ANO7: variants seen among roughly 807,000 people sequenced by gnomAD.
The protein encoded by ANO7 is anoctamin-7.
ANO7 carries 114 observed loss-of-function variants against 115.8 expected under a neutral mutation model. That is an observed-to-expected ratio of 0.98 (90% CI 0.85 to 1.15). The LOEUF is 1.15. Ranked by LOEUF, ANO7 falls within the 50% of genes most tolerant of loss-of-function variation. The pLI is 0.00. For synonymous variants in ANO7, 550 were observed against 498.2 expected (o/e 1.10, Z -1.38); for missense variants, 1,302 against 1,201.2 (o/e 1.08, Z -1.24).
chr2:241,235,082 C>A, the ANO7 span: 2 of 1,604,996 alleles, frequency 1.2e-6, no homozygotes, highest in Non-Finnish European at 1.7e-6. Flanking sequence ...AAGCTGAGCA[C>A]CATGGCTCTG....
In ANO7 at chr2:241,216,187, G is replaced by A. The variant is rs752516742; in HGVS notation, c.1921G>A (p.Asp641Asn). The change falls in exon 19 of 25, where the codon GAC becomes AAC. Residue 641 changes from aspartate to asparagine, a missense_variant. Physicochemically the swap from Asp to Asn is conservative, Grantham distance 23. Transcript: ENST00000674324. ...AGASQGPWEDDYELVPCEGLF... is the reference protein window; with the variant it reads ...AGASQGPWEDNYELVPCEGLF... ...GGCTAGCCAGGGGCCCTGGGAGGACGACTATGAGCTTGTGCCCTGTGAGGG... is the reference window on the plus strand; with the variant it reads ...GGCTAGCCAGGGGCCCTGGGAGGACAACTATGAGCTTGTGCCCTGTGAGGG... The A allele has an allele frequency of 1.9e-6, 3 of 1,612,964 alleles. No homozygotes were observed. Among genetic ancestry groups the A allele is most frequent in the South Asian group, 1.1e-5 (1 of 91,024 alleles).
rs1006136298 is a variant in ANO7, at chr2:241,225,069, G to A, written c.*916G>A. 3 of 152,176 alleles carry A rather than the reference G, an allele frequency of 2.0e-5. No individual in the cohort carries two copies. 9.4% of individuals were successfully genotyped at this position (152,176 alleles called of 1,614,324 possible). On this transcript the variant is annotated 3_prime_UTR_variant, in exon 25 of 25. Transcript: ENST00000674324. ...TCCACGCTGGATCATAATGTGACGT[G>A]CAGTTCTGCCCTGTGCTGGGGAGCC... is the stretch of plus-strand genomic sequence containing the variant.
chr2:241,208,974 CT>C (rs757858748), intron 11 of ANO7, among the ~76,000 whole-genome samples: 3 of 152,112 alleles, frequency 2.0e-5, no homozygotes, highest in Non-Finnish European at 4.4e-5. Flanking sequence ...ACGGTGAAAC[CT>C]CGTCTCTACT....
chr2:241,232,273 G>A, the ANO7 span, among the ~76,000 whole-genome samples: 2 of 144,560 alleles, frequency 1.4e-5, no homozygotes, highest in African/African-American at 5.0e-5. Context: ...GCTAAACAAT[G>A]ACTTTTTTTT....
rs1379313087 is a variant in ANO7 at position 241,223,549 on chromosome 2, GCTTT to G, written c.2413-110_2413-107del. The G allele has an allele frequency of 2.5e-5, 37 of 1,500,256 alleles. No individual in the cohort carries two copies. In the East Asian group the frequency reaches 8.1e-4, roughly 33 times the overall value. The allele number at this position is 1,500,256 out of a possible 1,614,324, so 92.9% of individuals were successfully genotyped here. ...CTGGGGTTCCTTTTCCTGCACAGCT[GCTTT>G]CTGACTCCACCCACAGCTGGGAGCA... On this transcript the variant is annotated intron_variant, in intron 22 of 24. Coordinates refer to ENST00000674324, the MANE Select transcript of ANO7 (RefSeq NM_001370694.2).
chr2:241,224,094 C>T lies in ANO7; in HGVS notation c.2584-3C>T, dbSNP rs770154616. 1.9e-6 allele frequency: 3 copies of T among 1,613,976 alleles called. No homozygotes were observed. The highest frequency in any genetic ancestry group is 2.7e-5 in the African/African-American group (2 of 74,908). On this transcript the variant is annotated splice_region_variant and splice_polypyrimidine_tract_variant and intron_variant, in intron 24 of 24. Transcript: ENST00000674324. ...TTGTCCCTGCCCCCAACCCTCTCCC[C>T]AGCTCAGCTCCCACTGGACACCCTT...
At chr2:241,210,977 T>C (rs948056486) in intron 15 of ANO7, among the ~76,000 whole-genome samples, 2 of 152,172 alleles carry the variant, frequency 1.3e-5, no homozygotes, top group Non-Finnish European at 2.9e-5. Context: ...GTTTTCTTTC[T>C]CTTATTTTTT....
chr2:241,208,893 T>G (rs1366472807), intron 11 of ANO7, among the ~76,000 whole-genome samples: 1 of 152,198 alleles, frequency 6.6e-6, no homozygotes, highest in Non-Finnish European at 1.5e-5. Flanking sequence ...CTCACGCCTG[T>G]AATCCCAGCA....
At chr2:241,237,467 G>A in the ANO7 span, among the ~76,000 whole-genome samples, 28 of 152,310 alleles carry the variant, frequency 1.8e-4, 1 homozygote, top group African/African-American at 5.8e-4. Context: ...CCCAGGAGGT[G>A]TGTGATGTAA....
chr2:241,199,278 G>T, intron 4 of ANO7, 38 bp from the exon 5 acceptor site: 3 of 1,575,010 alleles, frequency 1.9e-6, no homozygotes, highest in Non-Finnish European at 2.6e-6. Flanking sequence ...GTGCACACAT[G>T]CACCCTCAGG....
intron 21 of ANO7, among the ~76,000 whole-genome samples, chr2:241,220,661 G>A (rs1304632146): frequency 3.3e-5 from 5 of 152,216 alleles, no homozygotes; most frequent in African/African-American, 4.8e-5. Flanking sequence ...TTAGCTGGGC[G>A]TGGTGCTGGA....
chr2:241,219,391 A>G (rs1468352553), intron 21 of ANO7, among the ~76,000 whole-genome samples: 1 of 152,010 alleles, frequency 6.6e-6, no homozygotes, highest in Non-Finnish European at 1.5e-5. Context: ...TTCATAATGG[A>G]TACTTACTTT....
chr2:241,213,900 G>C (rs971862248), intron 17 of ANO7, among the ~76,000 whole-genome samples: 1 of 152,236 alleles, frequency 6.6e-6, no homozygotes, highest in African/African-American at 2.4e-5. Context: ...GGATGGAGTG[G>C]GGAGTGTGGC....
At chr2:241,223,579 G>A in intron 22 of ANO7, 83 bp from the exon 23 acceptor site, 1 of 1,558,328 alleles carries the variant, frequency 6.4e-7, no homozygotes, top group Middle Eastern at 2.0e-4. Flanking sequence ...GCTGGGAGCA[G>A]GTGCCGGAGC....
chr2:241,201,464 C>G (rs924928698), intron 7 of ANO7, 109 bp downstream of exon 7: 2 of 1,256,840 alleles, frequency 1.6e-6, no homozygotes, highest in South Asian at 1.5e-5. Context: ...ACCAGAGGGC[C>G]GAGGCCTGGA....
intron 13 of ANO7, among the ~76,000 whole-genome samples, 194 bp downstream of exon 13, chr2:241,209,829 G>A (rs374006487): frequency 2.6e-5 from 4 of 152,168 alleles, no homozygotes; most frequent in South Asian, 2.1e-4. Flanking sequence ...TGAGTCATAC[G>A]GAGGGCCTGG....
At chr2:241,233,894 C>T in the ANO7 span, 1 of 1,614,130 alleles carries the variant, frequency 6.2e-7, no homozygotes. This position sits in a 1 kb window ranked among gnomAD's most constrained non-coding sequence, Gnocchi z 4.3. Flanking sequence ...ATTACTGCCC[C>T]CTTTCTCCCG....
intron 6 of ANO7, 133 bp from the exon 7 acceptor site, chr2:241,201,165 C>A: frequency 9.8e-7 from 1 of 1,023,814 alleles, no homozygotes; most frequent in Non-Finnish European, 1.4e-6. Flanking sequence ...GCCTGTGCTT[C>A]TGCGTGCGCG....
At chr2:241,230,644 TG>T, downstream of ANO7, 1 of 890,856 alleles carries the variant, frequency 1.1e-6, no homozygotes, top group Non-Finnish European at 1.8e-6. The surrounding 1 kb of genome is among the most constrained non-coding windows in gnomAD (Gnocchi z 5.0). Context: ...CTGCCAGCCC[TG>T]GGGTTGTGGC....
Sources: gnomAD v4.1 joint callset for allele counts (sites outside exome capture counted in the v4.1 genomes callset) on GRCh38, gnomAD v4.1.1 for gene constraint, Gnocchi (gnomAD v3.1) non-coding constraint, MANE v1.5 for transcripts, NCBI Gene and HGNC (gene_info 2026-07-23, HGNC 2026-07-21) for gene names.